CEP43: variants seen among roughly 807,000 people sequenced by gnomAD.
The protein encoded by CEP43 is centrosomal protein 43, also known as FGFR1 oncogene partner.
A neutral mutation model predicts 52.6 loss-of-function variants in CEP43; 36 were observed. The ratio of observed to expected loss-of-function variants is 0.68; its 90% CI spans 0.52 to 0.90. The LOEUF is 0.90. Among genes scored for constraint, CEP43 ranks in the 40% least tolerant of loss-of-function variants. The pLI is 0.00. For synonymous variants in CEP43, 192 were observed against 172.4 expected, an observed-to-expected ratio of 1.11 and a Z score of -0.89; for missense variants, 506 against 472.8, an observed-to-expected ratio of 1.07 and a Z score of -0.65.
chr6:167,018,661 A>T (rs1780156581), intron 7 of CEP43, among the ~76,000 whole-genome samples: 1 of 152,160 alleles, frequency 6.6e-6, no homozygotes. Flanking sequence ...AAGTGCTGGG[A>T]TTACAGGTGT....
Position 167,042,106 on chromosome 6 carries a change from C to T in CEP43, c.*2128C>T, listed in dbSNP as rs571393908. 18 of 1,005,464 alleles carry T rather than the reference C, an allele frequency of 1.8e-5. No homozygotes were observed. The highest frequency in any genetic ancestry group is 4.8e-4 in the Middle Eastern group (1 of 2,064). 62.3% of individuals were successfully genotyped at this position (1,005,464 alleles called of 1,614,324 possible). ...TGCCGGGATTACAGGCGTGAACCAC[C>T]GCACCTGGCCAGTACTACATCCATT... On this transcript the variant is annotated 3_prime_UTR_variant, in exon 13 of 13. Coordinates refer to ENST00000366847, the MANE Select transcript of CEP43 (RefSeq NM_007045.4).
intron 10 of CEP43, among the ~76,000 whole-genome samples, chr6:167,027,194 A>C (rs1377115566): frequency 6.6e-6 from 1 of 152,220 alleles, no homozygotes; most frequent in Non-Finnish European, 1.5e-5. Flanking sequence ...TATGGAGCAG[A>C]AGTTGGTAAG....
intron 3 of CEP43, chr6:167,003,517 A>C: frequency 1.9e-6 from 1 of 537,356 alleles, no homozygotes; most frequent in Non-Finnish European, 3.3e-6. Flanking sequence ...ATTGTCTTAC[A>C]GTTAGTTACA....
intron 6 of CEP43, among the ~76,000 whole-genome samples, chr6:167,011,194 AC>A (rs1779976857): frequency 6.6e-6 from 1 of 152,236 alleles, no homozygotes; most frequent in Non-Finnish European, 1.5e-5. Flanking sequence ...AGATTTACTT[AC>A]TTTTCATTTA....
At chr6:167,038,233 C>G (rs144293052) in intron 12 of CEP43, among the ~76,000 whole-genome samples, 37 of 152,254 alleles carry the variant, frequency 2.4e-4, no homozygotes, top group Middle Eastern at 3.4e-3. Context: ...AGAAATGAGT[C>G]GTTTCTTACA....
At chr6:167,021,871 C>T (rs1780239920) in intron 7 of CEP43, among the ~76,000 whole-genome samples, 1 of 152,110 alleles carries the variant, frequency 6.6e-6, no homozygotes, top group South Asian at 2.1e-4. Flanking sequence ...CACCTTGATG[C>T]CTGTTGTGTT....
intron 7 of CEP43, among the ~76,000 whole-genome samples, chr6:167,015,689 C>T (rs1356179048): frequency 2.0e-5 from 3 of 152,026 alleles, no homozygotes; most frequent in African/African-American, 4.8e-5. Context: ...ATGCAGGAGG[C>T]GACAAGTACT....
In CEP43 at chr6:167,042,272, TAAAA is replaced by T. The variant is rs889551940; in HGVS notation, c.*2297_*2300del. ...TTTGCATGTGATGAGTGTTTTCTGT[TAAAA>T]AATAAATATTGAAATATTAACCCAT... On this transcript the variant is annotated 3_prime_UTR_variant, in exon 13 of 13. Coordinates refer to ENST00000366847, the MANE Select transcript of CEP43 (RefSeq NM_007045.4). 3.0e-6 allele frequency: 3 copies of T among 1,005,266 alleles called. No homozygotes were observed. Among genetic ancestry groups the T allele is most frequent in the East Asian group, 7.3e-5 (1 of 13,732 alleles). The allele number at this position is 1,005,266 out of a possible 1,614,324, so 62.3% of individuals were successfully genotyped here.
At chr6:167,007,791 CT>C (rs1304265516) in intron 5 of CEP43, among the ~76,000 whole-genome samples, 1 of 152,150 alleles carries the variant, frequency 6.6e-6, no homozygotes, top group Admixed American at 6.5e-5. Flanking sequence ...TTTAACCTGA[CT>C]TTTGTTTGGT....
chr6:167,039,631 G>T (rs1780652882), intron 12 of CEP43, among the ~76,000 whole-genome samples: 1 of 152,130 alleles, frequency 6.6e-6, no homozygotes, highest in Non-Finnish European at 1.5e-5. Context: ...TAGTGGGATT[G>T]GTGGATCAAA....
chr6:167,022,368 A>G (rs1291451301), intron 7 of CEP43, 41 bp from the exon 8 acceptor site: 13 of 1,384,104 alleles, frequency 9.4e-6, no homozygotes, highest in Middle Eastern at 1.8e-4. Flanking sequence ...TTAAAGTTTT[A>G]TCTCACCAAG....
At chr6:167,013,738 C>T (rs1010469280) in intron 7 of CEP43, among the ~76,000 whole-genome samples, 171 bp downstream of exon 7, 1 of 152,220 alleles carries the variant, frequency 6.6e-6, no homozygotes, top group African/African-American at 2.4e-5. Flanking sequence ...CTTTGGGAGT[C>T]CAAGGCGGGC....
chr6:167,021,576 T>C lies in CEP43; in HGVS notation c.580-833T>C, dbSNP rs181081111. Among the ~76,000 whole-genome samples, 395 of 152,290 alleles carry C rather than the reference T, an allele frequency of 2.6e-3. 2 individuals are homozygous for C. The highest frequency in any genetic ancestry group is 9.3e-3 in the African/African-American group (386 of 41,560). Reference sequence around the variant, plus strand: ...GGGCAGAAAGAAATCTGACCAAGAATGGAGTGAAAGTCGGCTGTGAAGGTT... The same window carrying C: ...GGGCAGAAAGAAATCTGACCAAGAACGGAGTGAAAGTCGGCTGTGAAGGTT... On this transcript the variant is annotated intron_variant, in intron 7 of 12. Transcript: ENST00000366847.
chr6:167,025,079 ATGT>A, intron 9 of CEP43, 185 bp downstream of exon 9: 1 of 525,438 alleles, frequency 1.9e-6, no homozygotes, highest in Non-Finnish European at 3.4e-6. Context: ...CCTATTTTAT[ATGT>A]TGTTTTGTAT....
rs1244513357 is a variant in CEP43, at chr6:167,040,276, G to A, written c.*298G>A. 2.4e-5 allele frequency: 36 copies of A among 1,478,120 alleles called. No individual in the cohort carries two copies. The highest frequency in any genetic ancestry group is 2.4e-4 in the Middle Eastern group (1 of 4,092). The allele number at this position is 1,478,120 out of a possible 1,614,324, so 91.6% of individuals were successfully genotyped here. On this transcript the variant is annotated 3_prime_UTR_variant, in exon 13 of 13. Coordinates refer to ENST00000366847, the MANE Select transcript of CEP43 (RefSeq NM_007045.4). ...GAACCCATGAAAACATCAGTGTTAA[G>A]AGCATGATGAAAGGTGTCAATAAAG...
Position 167,040,891 on chromosome 6 carries a change from A to G in CEP43, c.*913A>G. The stretch of plus-strand genomic sequence containing the variant: ...AGCTTTATATACTGTACATAATTTC[A>G]TTGTAACCCTTAAAAATAGAGCCAA... On this transcript the variant is annotated 3_prime_UTR_variant, in exon 13 of 13. Transcript: ENST00000366847. The G allele has an allele frequency of 2.0e-6, 2 of 1,024,120 alleles. No individual in the cohort carries two copies. The highest frequency in any genetic ancestry group is 2.3e-6 in the Non-Finnish European group (2 of 852,326). 63.4% of individuals were successfully genotyped at this position (1,024,120 alleles called of 1,614,324 possible). A position where few individuals can be genotyped will look rare whatever the true frequency, so the allele number is the denominator to read the frequency against.
At chr6:167,034,698 A>C (rs1453884693) in intron 12 of CEP43, among the ~76,000 whole-genome samples, 1 of 152,232 alleles carries the variant, frequency 6.6e-6, no homozygotes, top group African/African-American at 2.4e-5. Flanking sequence ...TTACAATGCA[A>C]CCACACAATC....
In CEP43 at chr6:167,043,785, A is replaced by G. The variant is rs1780749918; in HGVS notation, c.*3807A>G. 1 of 152,326 alleles carries G rather than the reference A, an allele frequency of 6.6e-6. No homozygotes were observed. Among genetic ancestry groups the G allele is most frequent in the East Asian group, 1.9e-4 (1 of 5,190 alleles). The allele number at this position is 152,326 out of a possible 1,614,324, so 9.4% of individuals were successfully genotyped here. A position where few individuals can be genotyped will look rare whatever the true frequency, so the allele number is the denominator to read the frequency against. ...GCGTTCAGAGTTCCACACGTTCAAC[A>G]AGCATCTGACATTTAAGGAAAGTGA... On this transcript the variant is annotated 3_prime_UTR_variant, in exon 13 of 13. Transcript: ENST00000366847.
At position 167,040,878 on chromosome 6, in the gene CEP43, T is replaced by C. The variant is rs1780680707; in HGVS notation, c.*900T>C. Reference sequence around the variant, plus strand: ...GTTCAGTTTGACAAGCTTTATATACTGTACATAATTTCATTGTAACCCTTA... The same window carrying C: ...GTTCAGTTTGACAAGCTTTATATACCGTACATAATTTCATTGTAACCCTTA... On this transcript the variant is annotated 3_prime_UTR_variant, in exon 13 of 13. Coordinates refer to ENST00000366847, the MANE Select transcript of CEP43 (RefSeq NM_007045.4). 1 of 1,024,198 alleles carries C rather than the reference T, an allele frequency of 9.8e-7. No individual in the cohort carries two copies. Among genetic ancestry groups the C allele is most frequent in the Non-Finnish European group, 1.2e-6 (1 of 852,680 alleles). The allele number at this position is 1,024,198 out of a possible 1,614,324, so 63.4% of individuals were successfully genotyped here. A position where few individuals can be genotyped will look rare whatever the true frequency, so the allele number is the denominator to read the frequency against.
Sources: gnomAD v4.1 joint callset for allele counts (sites outside exome capture counted in the v4.1 genomes callset) on GRCh38, gnomAD v4.1.1 for gene constraint, MANE v1.5 for transcripts, NCBI Gene and HGNC (gene_info 2026-07-23, HGNC 2026-07-21) for gene names.